The following KCNU1 variants were observed in gnomAD, a reference collection of about 807,000 sequenced individuals.
The protein encoded by KCNU1 is potassium channel subfamily U member 1.
In KCNU1, 93 loss-of-function variants were observed where a neutral mutation model predicts 126.8. The observed-to-expected ratio is 0.73, with a 90% CI of 0.62 to 0.87. KCNU1 has a LOEUF of 0.87. KCNU1 is among the 40% of genes least tolerant of loss of function. The probability of loss-of-function intolerance (pLI) is 0.00; values close to 1 mark genes in which losing one functional copy is unlikely to be tolerated. For missense variants in KCNU1, 1,330 were observed against 1,367.1 expected (o/e 0.97, Z 0.43); for synonymous variants, 523 against 494.2 (o/e 1.06, Z -0.77).
At chr8:36,921,408 C>G (rs368675865) in intron 23 of KCNU1, among the ~76,000 whole-genome samples, 7 of 152,106 alleles carry the variant, frequency 4.6e-5, no homozygotes, top group African/African-American at 1.4e-4. Context: ...GACAAACGTT[C>G]TTGAAAGAAG....
chr8:36,808,508 T>A (rs529744770), intron 6 of KCNU1, among the ~76,000 whole-genome samples: 34 of 152,130 alleles, frequency 2.2e-4, no homozygotes, highest in African/African-American at 8.2e-4. Context: ...ACCTCTAATG[T>A]GTATATGAAT....
Position 36,911,016 on chromosome 8 carries a change from A to G in KCNU1, c.2418A>G (p.Pro806=). ...MCAVLSPPPQ[P]SSNQTLVDTE... The stretch of plus-strand genomic sequence containing the variant: ...CTGTCTTGTCCCCCCCACCCCAGCC[A>G]TCAAGCAACCAGACTTTGGTAGACA... Residue 806 remains proline (P), a synonymous_variant, in exon 22 of 27, where the codon CCA becomes CCG. Transcript: ENST00000399881. 5 of 1,612,712 alleles carry G rather than the reference A, an allele frequency of 3.1e-6. No homozygotes were observed. In the East Asian group the frequency reaches 6.7e-5, roughly 22 times the overall value.
At chr8:36,900,561 C>T (rs1463748910) in intron 19 of KCNU1, among the ~76,000 whole-genome samples, 18 of 151,916 alleles carry the variant, frequency 1.2e-4, no homozygotes, top group Non-Finnish European at 2.6e-4. Flanking sequence ...CCTTACATTC[C>T]CCAATTTTAG....
Position 36,882,499 on chromosome 8 carries a change from C to T in KCNU1, c.2009+17978C>T, listed in dbSNP as rs577728307. On this transcript the variant is annotated intron_variant, in intron 19 of 26. Coordinates refer to ENST00000399881, the MANE Select transcript of KCNU1 (RefSeq NM_001031836.3). ...CTTCTCTGCCTCTTTTTTCTCATTGCGTCTACAAAAGGACATTTGCATAAA... is the reference window on the plus strand; with the variant it reads ...CTTCTCTGCCTCTTTTTTCTCATTGTGTCTACAAAAGGACATTTGCATAAA... 4.9e-4 allele frequency among the ~76,000 whole-genome samples: 75 copies of T among 152,250 alleles called. 1 individual carries two copies. Among genetic ancestry groups the T allele is most frequent in the South Asian group, 3.1e-3 (15 of 4,822 alleles).
chr8:36,934,965 C>T (rs909602056), intron 26 of KCNU1, among the ~76,000 whole-genome samples: 5 of 152,094 alleles, frequency 3.3e-5, no homozygotes, highest in Non-Finnish European at 7.4e-5. Context: ...TGCTTTTCTC[C>T]ATTGGCCAGG....
At position 36,812,345 on chromosome 8, in the gene KCNU1, A is replaced by G. The variant is rs112854117; in HGVS notation, c.733-1862A>G. ...CAGTGGGCTGAGATCATACCACTGC[A>G]CTCCAGCCTGAGTGACAGAGCAAGA... On this transcript the variant is annotated intron_variant, in intron 7 of 26. Transcript: ENST00000399881. Among the ~76,000 whole-genome samples the G allele has an allele frequency of 2.4e-3, 360 of 147,706 alleles. 7 individuals are homozygous for G. The highest frequency in any genetic ancestry group is 8.7e-3 in the African/African-American group (343 of 39,438).
chr8:36,933,713 A>G (rs973399961), intron 26 of KCNU1, among the ~76,000 whole-genome samples: 1 of 152,160 alleles, frequency 6.6e-6, no homozygotes, highest in Admixed American at 6.6e-5. Context: ...AAGGAGAAGG[A>G]AGCCAAATTA....
At chr8:36,843,692 C>G (rs945382502) in intron 16 of KCNU1, among the ~76,000 whole-genome samples, 1 of 152,182 alleles carries the variant, frequency 6.6e-6, no homozygotes, top group Non-Finnish European at 1.5e-5. Flanking sequence ...GGACTTTAAG[C>G]AAATATATTG....
chr8:36,827,124 C>T (rs1804354589), intron 10 of KCNU1, among the ~76,000 whole-genome samples: 1 of 152,148 alleles, frequency 6.6e-6, no homozygotes, highest in Non-Finnish European at 1.5e-5. Context: ...TTAACTTAGA[C>T]AGATGATGTT....
chr8:36,829,885 T>G (rs1037393935), intron 10 of KCNU1, among the ~76,000 whole-genome samples: 2 of 151,230 alleles, frequency 1.3e-5, no homozygotes, highest in Non-Finnish European at 3.0e-5. Flanking sequence ...AGTAATATCT[T>G]CCAGTAGGGT....
intron 19 of KCNU1, among the ~76,000 whole-genome samples, chr8:36,864,759 A>G (rs1805848298): frequency 6.6e-6 from 1 of 152,124 alleles, no homozygotes; most frequent in African/African-American, 2.4e-5. Flanking sequence ...TAGATACCCA[A>G]CTTTCTTTCA....
intron 2 of KCNU1, among the ~76,000 whole-genome samples, chr8:36,793,211 G>A (rs1325451268): frequency 1.4e-5 from 2 of 146,622 alleles, no homozygotes; most frequent in African/African-American, 2.5e-5. Flanking sequence ...TTGTGGGATA[G>A]GGGGAGGGGG....
intron 20 of KCNU1, among the ~76,000 whole-genome samples, chr8:36,906,208 A>T (rs1807623824): frequency 2.0e-5 from 3 of 147,218 alleles, no homozygotes; most frequent in African/African-American, 7.5e-5. Context: ...GTAAATAAGC[A>T]CTTTTCTAAT....
rs993080940 is a variant in KCNU1 at position 36,817,757 on chromosome 8, G to A, written c.1103G>A (p.Gly368Glu). The change falls in exon 10 of 27, where the codon GGA becomes GAA. Residue 368 changes from glycine to glutamate, a missense_variant. Gly to Glu is a moderately conservative substitution (Grantham distance 98). Transcript: ENST00000399881. ...GEINTEIVFL[G>E]ETPPSLELET... Reference sequence around the variant, plus strand: ...ATCAACACTGAAATTGTTTTCCTGGGAGAGTAAGTATATCTGTATGGCTCA... The same window carrying A: ...ATCAACACTGAAATTGTTTTCCTGGAAGAGTAAGTATATCTGTATGGCTCA... 3.9e-6 allele frequency: 6 copies of A among 1,539,738 alleles called. No individual in the cohort carries two copies. The highest frequency in any genetic ancestry group is 5.4e-6 in the Non-Finnish European group (6 of 1,112,328).
At chr8:36,858,176 C>CA (rs67265944) in intron 18 of KCNU1, among the ~76,000 whole-genome samples, 39,043 of 72,808 alleles carry the variant, frequency 0.54, 10,264 homozygotes, top group Non-Finnish European at 0.64. Flanking sequence ...TCAAGGATGG[C>CA]AAAAAAAAAA....
chr8:36,794,646 G>A lies in KCNU1; in HGVS notation c.315+7221G>A, dbSNP rs925771053. Among the ~76,000 whole-genome samples the A allele has an allele frequency of 6.6e-5, 10 of 152,096 alleles. No individual in the cohort carries two copies. The East Asian group carries it at 1.9e-3, about 29-fold the overall frequency. On this transcript the variant is annotated intron_variant, in intron 2 of 26. Coordinates refer to ENST00000399881, the MANE Select transcript of KCNU1 (RefSeq NM_001031836.3). The stretch of plus-strand genomic sequence containing the variant: ...ACCATCCAAAAGTCCATCCTGGCCA[G>A]GCATGGTGGTTCATTCCTATAATCC...
chr8:36,895,242 C>A (rs886528984), intron 19 of KCNU1, among the ~76,000 whole-genome samples: 5 of 151,966 alleles, frequency 3.3e-5, no homozygotes, highest in Non-Finnish European at 5.9e-5. Flanking sequence ...CCACGCCCAG[C>A]TAATTTTTAT....
At chr8:36,865,295 C>G (rs537422076) in intron 19 of KCNU1, among the ~76,000 whole-genome samples, 10 of 152,042 alleles carry the variant, frequency 6.6e-5, no homozygotes, top group Non-Finnish European at 1.3e-4. Context: ...AAACAATATG[C>G]AAGTTCTTCA....
chr8:36,918,850 A>G lies in KCNU1; in HGVS notation c.2549A>G (p.His850Arg). 1.2e-6 allele frequency: 2 copies of G among 1,609,624 alleles called. No individual in the cohort carries two copies. The highest frequency in any genetic ancestry group is 1.7e-6 in the Non-Finnish European group (2 of 1,175,964). ...SEETPGYTNG[H>R]NEKSNCRKVP... is the part of the protein sequence containing the mutation. The stretch of plus-strand genomic sequence containing the variant: ...GAGACTCCAGGTTACACAAATGGAC[A>G]TAATGAGAAATCAAACTGCCGAAAA... The change falls in exon 23 of 27, where the codon CAT (histidine) becomes CGT (arginine). Residue 850 changes from histidine to arginine, a missense_variant. His to Arg is a conservative substitution (Grantham distance 29, BLOSUM62 0). Coordinates refer to ENST00000399881, the MANE Select transcript of KCNU1 (RefSeq NM_001031836.3).
Sources: gnomAD v4.1 joint callset for allele counts (sites outside exome capture counted in the v4.1 genomes callset) on GRCh38, gnomAD v4.1.1 for gene constraint, MANE v1.5 for transcripts, NCBI Gene and HGNC (gene_info 2026-07-23, HGNC 2026-07-21) for gene names.